Variants in IQSEC1 observed in about 807,000 individuals in gnomAD.
IQSEC1 encodes the protein IQ motif and Sec7 domain ArfGEF 1.
IQSEC1 carries 31 observed loss-of-function variants against 91.0 expected under a neutral mutation model. The ratio of observed to expected loss-of-function variants is 0.34; its 90% confidence interval spans 0.26 to 0.46. The LOEUF is 0.46. Ranked by LOEUF, IQSEC1 falls within the 20% of genes least tolerant of loss-of-function variation. The probability of loss-of-function intolerance (pLI) is 1.00; values close to 1 mark genes in which losing one functional copy is unlikely to be tolerated. For synonymous variants in IQSEC1, 699 were observed against 662.6 expected (o/e 1.05, Z -0.84); for missense variants, 1,388 against 1,575.6 (o/e 0.88, Z 2.02).
At chr3:13,243,238 C>T (rs746363184) in intron 1 of IQSEC1, among the ~76,000 whole-genome samples, 2 of 152,128 alleles carry the variant, frequency 1.3e-5, no homozygotes, top group African/African-American at 4.8e-5. Context: ...TCCTGCACAC[C>T]CTTGGGCAGG....
chr3:13,051,584 T>G (rs890022229), intron 1 of IQSEC1, among the ~76,000 whole-genome samples: 2 of 152,176 alleles, frequency 1.3e-5, no homozygotes, highest in African/African-American at 4.8e-5. Context: ...AATTGTGCAC[T>G]TTTCTGTACA....
chr3:13,157,161 T>C lies in IQSEC1; in HGVS notation c.302+6943A>G, dbSNP rs377256788. Among the ~76,000 whole-genome samples the C allele has an allele frequency of 5.8e-4, 88 of 152,300 alleles. 3 individuals carry two copies. In the South Asian group the frequency reaches 0.013, roughly 22 times the overall value. ...CCTTCTAAGTACCTTTAAGATTTGG[T>C]TGCAATAGAAGCAGATGTTTAGACA... On this transcript the variant is annotated intron_variant, in intron 2 of 15. Transcript: ENST00000648114.
chr3:13,035,366 A>G (rs1703995160), intron 1 of IQSEC1, among the ~76,000 whole-genome samples: 1 of 152,102 alleles, frequency 6.6e-6, no homozygotes, highest in Non-Finnish European at 1.5e-5. Flanking sequence ...TGCCAAGGAC[A>G]CTGTCTTCCC....
chr3:13,074,223 GC>G (rs1705524537), upstream of IQSEC1, among the ~76,000 whole-genome samples: 1 of 152,196 alleles, frequency 6.6e-6, no homozygotes, highest in Non-Finnish European at 1.5e-5. Context: ...GGTCGGGAAG[GC>G]CCTCTGTGAG....
intron 2 of IQSEC1, among the ~76,000 whole-genome samples, chr3:13,107,094 G>A (rs921527340): frequency 3.3e-5 from 5 of 152,184 alleles, no homozygotes; most frequent in Non-Finnish European, 5.9e-5. Flanking sequence ...CTCATGGCCC[G>A]TGTCCTTTTT....
In IQSEC1 at chr3:13,259,947, A is replaced by T. The variant is rs145639320; in HGVS notation, c.272+22764T>A. On this transcript the variant is annotated intron_variant, in intron 1 of 15. Transcript: ENST00000648114. This position sits in a 1 kb window ranked among gnomAD's most constrained non-coding sequence, Gnocchi z 4.6. ...AATTAAGCAGATCTGCTTTCAAAAT[A>T]TGACTAATTAGAACAGTCGTGCTGG... Among the ~76,000 whole-genome samples, 2 of 152,288 alleles carry T rather than the reference A, an allele frequency of 1.3e-5. No individual in the cohort carries two copies. The highest frequency in any genetic ancestry group is 2.4e-5 in the African/African-American group (1 of 41,474).
intron 1 of IQSEC1, among the ~76,000 whole-genome samples, chr3:12,951,316 G>A (rs995755363): frequency 2.0e-5 from 3 of 152,132 alleles, no homozygotes; most frequent in Non-Finnish European, 2.9e-5. Context: ...CCAGCTACTC[G>A]GGAGGCTAAG....
intron 2 of IQSEC1, among the ~76,000 whole-genome samples, chr3:13,086,086 A>C (rs1264168133): frequency 6.6e-6 from 1 of 152,182 alleles, no homozygotes; most frequent in African/African-American, 2.4e-5. Flanking sequence ...TTTGGGGCAG[A>C]GTGAGGTAGG....
chr3:13,173,714 C>G (rs564391954), intron 1 of IQSEC1, among the ~76,000 whole-genome samples: 1 of 152,362 alleles, frequency 6.6e-6, no homozygotes, highest in East Asian at 1.9e-4. Flanking sequence ...GGGCCTTGGA[C>G]AGGCCATCTC....
At chr3:13,240,470 A>T (rs1182205972) in intron 1 of IQSEC1, among the ~76,000 whole-genome samples, 1 of 152,226 alleles carries the variant, frequency 6.6e-6, no homozygotes, top group Non-Finnish European at 1.5e-5. Flanking sequence ...GCCAACACTC[A>T]GAGGCTTGGA....
rs756849119 is a variant in IQSEC1 at position 13,231,667 on chromosome 3, T to TAC, written c.272+51042_272+51043dup. Reference sequence around the variant, plus strand: ...TCTATAAAATGGGGATGATGAGCCCTACTTTGCTGTCTCTACCAAATGCAA... The same window carrying TAC: ...TCTATAAAATGGGGATGATGAGCCCTACACTTTGCTGTCTCTACCAAATGCAA... On this transcript the variant is annotated intron_variant, in intron 1 of 15. Coordinates refer to the IQSEC1 transcript ENST00000648114. Among the ~76,000 whole-genome samples the TAC allele has an allele frequency of 6.6e-5, 10 of 152,360 alleles. 1 individual carries two copies. The highest frequency in any genetic ancestry group is 4.6e-4 in the Admixed American group (7 of 15,304).
chr3:13,067,257 C>T (rs1229433548), intron 1 of IQSEC1, among the ~76,000 whole-genome samples: 2 of 152,278 alleles, frequency 1.3e-5, no homozygotes, highest in African/African-American at 2.4e-5. Context: ...CTGGAAAGAG[C>T]GGGAAGGGCA....
chr3:12,901,859 T>G (rs1694350032), intron 13 of IQSEC1, among the ~76,000 whole-genome samples: 1 of 152,160 alleles, frequency 6.6e-6, no homozygotes, highest in East Asian at 1.9e-4. Flanking sequence ...TTGGAACCCC[T>G]AGGTTGGGGT....
intron 2 of IQSEC1, among the ~76,000 whole-genome samples, chr3:13,078,770 G>A (rs1295534766): frequency 3.9e-5 from 6 of 152,268 alleles, no homozygotes; most frequent in East Asian, 3.9e-4. Flanking sequence ...CGCTGGAGCC[G>A]GAGGTCTGGG....
intron 1 of IQSEC1, among the ~76,000 whole-genome samples, chr3:13,199,211 G>C (rs1203281092): frequency 6.6e-6 from 1 of 152,246 alleles, no homozygotes; most frequent in African/African-American, 2.4e-5. Context: ...GCCAGGCTTA[G>C]GATGGAAGAG....
Position 12,908,571 on chromosome 3 carries a change from G to C in IQSEC1, c.2579-46C>G, listed in dbSNP as rs1187144749. 6.3e-6 allele frequency: 10 copies of C among 1,599,644 alleles called. No individual in the cohort carries two copies. Among genetic ancestry groups the C allele is most frequent in the Non-Finnish European group, 8.6e-6 (10 of 1,169,112 alleles). On this transcript the variant is annotated intron_variant, in intron 11 of 13. Transcript: ENST00000613206. This position sits in a 1 kb window ranked among gnomAD's most constrained non-coding sequence, Gnocchi z 4.9. ...GTCCTGGTGAGAGGAGCACAGCCTAGAGTGGGCAGGAGACGGGGCCTTCTG... is the reference window on the plus strand; with the variant it reads ...GTCCTGGTGAGAGGAGCACAGCCTACAGTGGGCAGGAGACGGGGCCTTCTG...
chr3:13,137,974 C>T (rs1706737234), intron 2 of IQSEC1, among the ~76,000 whole-genome samples: 1 of 152,238 alleles, frequency 6.6e-6, no homozygotes, highest in Admixed American at 6.5e-5. Flanking sequence ...CTGTCACTCG[C>T]AGCTGTTCTA....
intron 1 of IQSEC1, among the ~76,000 whole-genome samples, chr3:13,191,342 T>C (rs1026625266): frequency 6.6e-6 from 1 of 152,248 alleles, no homozygotes; most frequent in African/African-American, 2.4e-5. Context: ...CATAGCTATC[T>C]TCGTCGTATT....
chr3:13,029,928 T>C (rs567570342), intron 1 of IQSEC1, among the ~76,000 whole-genome samples: 1 of 152,344 alleles, frequency 6.6e-6, no homozygotes, highest in South Asian at 2.1e-4. Flanking sequence ...ATGGCTTTCC[T>C]CCATTCCCAG....
Sources: allele counts gnomAD v4.1 joint callset (sites outside exome capture counted in the v4.1 genomes callset), GRCh38; gene constraint gnomAD v4.1.1; non-coding constraint Gnocchi (gnomAD v3.1); transcripts MANE v1.5; gene names NCBI Gene and HGNC (gene_info 2026-07-23, HGNC 2026-07-21).